The following MACROD2 variants were observed in gnomAD, a reference collection of about 807,000 sequenced individuals.
MACROD2 encodes ADP-ribose glycohydrolase MACROD2.
In MACROD2, 36 loss-of-function variants were observed where a neutral mutation model predicts 70.4. That is an observed-to-expected ratio of 0.51 (90% CI 0.39 to 0.68). The LOEUF is 0.68. Ranked by LOEUF, MACROD2 falls within the 30% of genes least tolerant of loss-of-function variation. The pLI is 0.00. For missense variants in MACROD2, 496 were observed against 538.4 expected (o/e 0.92, Z 0.78); for synonymous variants, 172 against 178.8 (o/e 0.96, Z 0.30).
chr20:14,074,712 A>C (rs1296156248), intron 2 of MACROD2, among the ~76,000 whole-genome samples: 1 of 152,152 alleles, frequency 6.6e-6, no homozygotes, highest in Admixed American at 6.5e-5. Flanking sequence ...GGAACTTATT[A>C]GTTGACTGAA....
chr20:15,435,654 T>G (rs2046418769), intron 7 of MACROD2, among the ~76,000 whole-genome samples: 1 of 152,162 alleles, frequency 6.6e-6, no homozygotes, highest in Admixed American at 6.6e-5. Flanking sequence ...TAAAGTAAAC[T>G]TTTTAAATAT....
chr20:16,027,340 AT>A (rs2067095023), intron 15 of MACROD2, among the ~76,000 whole-genome samples: 1 of 152,208 alleles, frequency 6.6e-6, no homozygotes, highest in African/African-American at 2.4e-5. Context: ...GATGCACTAG[AT>A]TTTATTAAAT....
intron 5 of MACROD2, among the ~76,000 whole-genome samples, chr20:15,201,615 A>G (rs2076656860): frequency 6.6e-6 from 1 of 152,232 alleles, no homozygotes; most frequent in South Asian, 2.1e-4. Context: ...CTCCTAGGAA[A>G]CAACACTTTA....
chr20:14,254,186 G>A (rs1301510400), intron 3 of MACROD2, among the ~76,000 whole-genome samples: 4 of 151,938 alleles, frequency 2.6e-5, no homozygotes, highest in Non-Finnish European at 5.9e-5. Context: ...CCTGAATTTT[G>A]TGGTATATTG....
chr20:15,070,952 T>C (rs1361627958), intron 5 of MACROD2, among the ~76,000 whole-genome samples: 1 of 151,022 alleles, frequency 6.6e-6, no homozygotes, highest in Non-Finnish European at 1.5e-5. Flanking sequence ...TTATTACGAA[T>C]AGCAAAAATT....
At chr20:14,279,724 G>A (rs1195930947) in intron 3 of MACROD2, among the ~76,000 whole-genome samples, 1 of 152,080 alleles carries the variant, frequency 6.6e-6, no homozygotes, top group Non-Finnish European at 1.5e-5. Context: ...TCTTTTACAA[G>A]ACACATGTAT....
chr20:14,521,478 C>T (rs897492669), intron 4 of MACROD2, among the ~76,000 whole-genome samples: 5 of 152,138 alleles, frequency 3.3e-5, no homozygotes, highest in African/African-American at 1.2e-4. Context: ...ATCCCTCTAC[C>T]TGCAGGTTTG....
At chr20:15,869,492 C>A (rs1009338006) in intron 9 of MACROD2, among the ~76,000 whole-genome samples, 4 of 151,570 alleles carry the variant, frequency 2.6e-5, no homozygotes, top group African/African-American at 9.7e-5. Context: ...AGCTATTTGA[C>A]CTATTAATAT....
At chr20:15,820,586 G>C (rs939081089) in intron 8 of MACROD2, among the ~76,000 whole-genome samples, 1 of 152,122 alleles carries the variant, frequency 6.6e-6, no homozygotes, top group Non-Finnish European at 1.5e-5. Flanking sequence ...TGCTAAAATT[G>C]TACCTATTCT....
At chr20:16,016,866 T>C (rs527698768) in intron 15 of MACROD2, among the ~76,000 whole-genome samples, 1 of 152,322 alleles carries the variant, frequency 6.6e-6, no homozygotes, top group Admixed American at 6.5e-5. Flanking sequence ...AATTGTGCAG[T>C]CTTTGACTAT....
chr20:15,690,823 T>C (rs1423193877), intron 8 of MACROD2, among the ~76,000 whole-genome samples: 1 of 152,220 alleles, frequency 6.6e-6, no homozygotes, highest in Non-Finnish European at 1.5e-5. Context: ...TCCCTGAGCC[T>C]TTGTAGTAAT....
chr20:15,555,127 G>T (rs2048149029), intron 8 of MACROD2, among the ~76,000 whole-genome samples: 1 of 152,186 alleles, frequency 6.6e-6, no homozygotes, highest in African/African-American at 2.4e-5. Flanking sequence ...AGGAGTGTGT[G>T]AAGGGGATCC....
At chr20:15,234,842 C>G (rs371940077) in intron 6 of MACROD2, among the ~76,000 whole-genome samples, 1 of 152,002 alleles carries the variant, frequency 6.6e-6, no homozygotes, top group African/African-American at 2.4e-5. Context: ...AATATCACCA[C>G]GCACTGATGG....
intron 3 of MACROD2, among the ~76,000 whole-genome samples, chr20:14,343,952 T>G (rs1260733537): frequency 6.6e-6 from 1 of 152,226 alleles, no homozygotes; most frequent in Non-Finnish European, 1.5e-5. Flanking sequence ...TCTGGAGTAT[T>G]GGTGCTAATT....
intron 5 of MACROD2, among the ~76,000 whole-genome samples, chr20:15,000,351 C>T (rs147520318): frequency 1.8e-4 from 24 of 130,858 alleles, no homozygotes; most frequent in Admixed American, 3.0e-4. Flanking sequence ...CGGCCGGGCG[C>T]GGTGGCTCAC....
intron 3 of MACROD2, among the ~76,000 whole-genome samples, chr20:14,404,060 A>G (rs1173677918): frequency 6.6e-6 from 1 of 152,150 alleles, no homozygotes; most frequent in East Asian, 1.9e-4. Context: ...AATAATTGAA[A>G]CTGTAGATCA....
chr20:14,498,870 T>C (rs1346596292), intron 4 of MACROD2, among the ~76,000 whole-genome samples: 2 of 152,178 alleles, frequency 1.3e-5, no homozygotes, highest in East Asian at 3.8e-4. Context: ...ACTCCAGCGC[T>C]CAACATCCTG....
chr20:14,101,120 G>T (rs1396917359), intron 3 of MACROD2, among the ~76,000 whole-genome samples: 1 of 151,206 alleles, frequency 6.6e-6, no homozygotes, highest in Non-Finnish European at 1.5e-5. Flanking sequence ...TTTTGAGTTG[G>T]TTCCCTTGGA....
At chr20:14,094,632 A>G (rs1360848024) in intron 3 of MACROD2, among the ~76,000 whole-genome samples, 1 of 152,118 alleles carries the variant, frequency 6.6e-6, no homozygotes, top group East Asian at 1.9e-4. Flanking sequence ...ATACAGCCAT[A>G]ACCTTCATTT....
Sources: allele counts gnomAD v4.1 joint callset (sites outside exome capture counted in the v4.1 genomes callset), GRCh38; gene constraint gnomAD v4.1.1; transcripts MANE v1.5; gene names NCBI Gene and HGNC (gene_info 2026-07-23, HGNC 2026-07-21).